The following SLC22A2 variants were observed in gnomAD, a reference collection of about 807,000 sequenced individuals.
SLC22A2 encodes organic cation transporter 2.
SLC22A2 carries 46 observed loss-of-function variants against 60.5 expected under a neutral mutation model. The observed-to-expected ratio is 0.76, with a 90% confidence interval of 0.60 to 0.97. The LOEUF (loss-of-function observed/expected upper bound fraction) is 0.97, where lower values mean the gene tolerates loss of function less well. Among genes scored for constraint, SLC22A2 ranks in the 50% least tolerant of loss-of-function variants. The pLI is 0.00. For missense variants in SLC22A2, 701 were observed against 706.6 expected, an observed-to-expected ratio of 0.99 and a Z score of 0.09; for synonymous variants, 303 against 267.0, an observed-to-expected ratio of 1.13 and a Z score of -1.31.
chr6:160,249,795 G>A (rs960151221), intron 3 of SLC22A2, among the ~76,000 whole-genome samples: 2 of 152,142 alleles, frequency 1.3e-5, no homozygotes, highest in African/African-American at 2.4e-5. Context: ...TCTTACATGG[G>A]TTTAACATTT....
intron 9 of SLC22A2, 81 bp downstream of exon 9, chr6:160,241,392 CT>C (rs770734089): frequency 1.9e-4 from 161 of 835,284 alleles, no homozygotes; most frequent in Non-Finnish European, 2.9e-4. Context: ...GGCATGACAC[CT>C]GTTTTGAATG....
chr6:160,245,381 A>G (rs147740920), intron 6 of SLC22A2, 58 bp downstream of exon 6: 3 of 970,604 alleles, frequency 3.1e-6, no homozygotes, highest in African/African-American at 3.2e-5. Flanking sequence ...CTTCCTTACT[A>G]TGGATGACTG....
intron 9 of SLC22A2, among the ~76,000 whole-genome samples, chr6:160,230,708 T>C (rs2114854995): frequency 6.6e-6 from 1 of 152,044 alleles, no homozygotes; most frequent in South Asian, 2.1e-4. Context: ...GAACTCCAAA[T>C]GCCTGAACCG....
rs556324848 is a variant in SLC22A2 at position 160,240,062 on chromosome 6, T to A, written c.1501+1412A>T. Among the ~76,000 whole-genome samples the A allele has an allele frequency of 2.6e-5, 4 of 152,184 alleles. No individual in the cohort carries two copies. The South Asian group carries it at 8.3e-4, about 32-fold the overall frequency. ...TGAGTGACTGAGGAAAATGTCCCAG[T>A]CAGTCGAGGTTTATTAAGTCAGCTT... On this transcript the variant is annotated intron_variant, in intron 9 of 10. Transcript: ENST00000366953.
Position 160,217,509 on chromosome 6 carries a change from A to C in SLC22A2, c.1602-11T>G. The stretch of plus-strand genomic sequence containing the variant: ...TTATTTTTTCTTGGTCTGCAATAAG[A>C]AATAAAAATGGAGAGGGGAGAAAGA... On this transcript the variant is annotated splice_polypyrimidine_tract_variant and intron_variant, in intron 10 of 10. Coordinates refer to ENST00000366953, the MANE Select transcript of SLC22A2 (RefSeq NM_003058.4). 1 of 1,503,760 alleles carries C rather than the reference A, an allele frequency of 6.6e-7. No homozygotes were observed. Among genetic ancestry groups the C allele is most frequent in the Non-Finnish European group, 9.2e-7 (1 of 1,082,136 alleles). The allele number at this position is 1,503,760 out of a possible 1,614,324, so 93.2% of individuals were successfully genotyped here.
At position 160,249,294 on chromosome 6, in the gene SLC22A2, AC is replaced by A; in HGVS notation, c.763del (p.Val255TrpfsTer36). On this transcript the variant is annotated frameshift_variant, in exon 4 of 11. Coordinates refer to ENST00000366953, the MANE Select transcript of SLC22A2 (RefSeq NM_003058.4). LOFTEE classifies it high-confidence loss of function. ...YTVGLLVLAG[V>X]AYALPHWRWL... Reference sequence around the variant, plus strand: ...CCTCCAGTGAGGAAGTGCGTAAGCCACCCCAGCTAGCACCAGGAGCCCAACT... The same window carrying A: ...CCTCCAGTGAGGAAGTGCGTAAGCCACCCAGCTAGCACCAGGAGCCCAACT... 1 of 1,613,396 alleles carries A rather than the reference AC, an allele frequency of 6.2e-7. No homozygotes were observed. The highest frequency in any genetic ancestry group is 1.1e-5 in the South Asian group (1 of 91,016).
chr6:160,237,322 T>C (rs1197090971), intron 9 of SLC22A2, among the ~76,000 whole-genome samples: 1 of 152,202 alleles, frequency 6.6e-6, no homozygotes, highest in African/African-American at 2.4e-5. Flanking sequence ...CTTGGGATAA[T>C]TTTGCTTATT....
chr6:160,257,675 T>TAATTC (rs1783296303), intron 1 of SLC22A2: 1 of 152,212 alleles, frequency 6.6e-6, no homozygotes, highest in Non-Finnish European at 1.5e-5. Flanking sequence ...GGCAACTGGC[T>TAATTC]CTCTCAGTAT....
intron 2 of SLC22A2, among the ~76,000 whole-genome samples, chr6:160,255,273 C>T (rs1783251269): frequency 2.7e-5 from 2 of 75,286 alleles, no homozygotes; most frequent in Non-Finnish European, 7.2e-5. Flanking sequence ...TGGCCTGTGC[C>T]TCCACTTTTA....
At chr6:160,224,530 T>A (rs1415960174) in intron 10 of SLC22A2, among the ~76,000 whole-genome samples, 175 bp downstream of exon 10, 1 of 152,240 alleles carries the variant, frequency 6.6e-6, no homozygotes, top group Non-Finnish European at 1.5e-5. Flanking sequence ...GAAATTCTCG[T>A]ATAATGTCTT....
intron 6 of SLC22A2, chr6:160,244,469 G>T (rs535510539): frequency 6.6e-6 from 1 of 152,142 alleles, no homozygotes; most frequent in African/African-American, 2.4e-5. Context: ...AATTGGGATC[G>T]AAAGAACTGA....
intron 9 of SLC22A2, among the ~76,000 whole-genome samples, chr6:160,227,790 C>T (rs1297089128): frequency 6.6e-6 from 1 of 152,148 alleles, no homozygotes; most frequent in Non-Finnish European, 1.5e-5. Context: ...AGGAGGTCAG[C>T]ACAAGATACA....
intron 10 of SLC22A2, among the ~76,000 whole-genome samples, chr6:160,221,807 A>C (rs1242796159): frequency 6.6e-6 from 1 of 152,228 alleles, no homozygotes; most frequent in Non-Finnish European, 1.5e-5. Flanking sequence ...GTGGTGCCCT[A>C]AAACAATTAC....
At chr6:160,258,044 T>C in intron 1 of SLC22A2, 1 of 347,460 alleles carries the variant, frequency 2.9e-6, no homozygotes, top group East Asian at 5.2e-5. Flanking sequence ...ATCCACAATA[T>C]CCCTATCTTG....
intron 9 of SLC22A2, among the ~76,000 whole-genome samples, chr6:160,235,422 G>A (rs1361511684): frequency 2.0e-5 from 3 of 149,612 alleles, no homozygotes; most frequent in Non-Finnish European, 4.4e-5. Context: ...ATTCCTATAG[G>A]AAATGGGCTG....
At chr6:160,234,496 G>A (rs768372668) in intron 9 of SLC22A2, among the ~76,000 whole-genome samples, 4 of 152,228 alleles carry the variant, frequency 2.6e-5, no homozygotes, top group South Asian at 4.2e-4. Flanking sequence ...TGCCCCTGCC[G>A]CCCCACCAGA....
rs766429136 is a variant in SLC22A2 at position 160,258,701 on chromosome 6, C to T, written c.57G>A (p.Gln19=). Reference sequence around the variant, plus strand: ...GAGCCAAGAGGAAAAACATTTGCTTCTGGAAAAAGTGAAACTCCCCTCCAT... The same window carrying T: ...GAGCCAAGAGGAAAAACATTTGCTTTTGGAAAAAGTGAAACTCCCCTCCAT... The part of the protein sequence containing the change: ...LEHGGEFHFF[Q]KQMFFLLALL... The change falls in exon 1 of 11, where the codon CAG becomes CAA. Residue 19 remains glutamine, a synonymous_variant. Coordinates refer to ENST00000366953, the MANE Select transcript of SLC22A2 (RefSeq NM_003058.4). The T allele has an allele frequency of 1.2e-6, 2 of 1,601,292 alleles. No individual in the cohort carries two copies. The highest frequency in any genetic ancestry group is 4.5e-5 in the East Asian group (2 of 44,756).
chr6:160,223,764 G>T (rs983178642), intron 10 of SLC22A2, among the ~76,000 whole-genome samples: 2 of 151,936 alleles, frequency 1.3e-5, no homozygotes, highest in Non-Finnish European at 2.9e-5. Flanking sequence ...GTATTGCTTT[G>T]TCGCCCAGGC....
intron 9 of SLC22A2, among the ~76,000 whole-genome samples, chr6:160,234,408 A>G (rs1431615657): frequency 6.6e-6 from 1 of 152,146 alleles, no homozygotes; most frequent in Non-Finnish European, 1.5e-5. Flanking sequence ...GGTCACCTGA[A>G]CAGTGTTACT....
Sources: gnomAD v4.1 joint callset for allele counts (sites outside exome capture counted in the v4.1 genomes callset) on GRCh38, gnomAD v4.1.1 for gene constraint, MANE v1.5 for transcripts, NCBI Gene and HGNC (gene_info 2026-07-23, HGNC 2026-07-21) for gene names.